Variants in PIK3R6 observed in about 807,000 individuals in gnomAD.
PIK3R6 encodes the protein phosphoinositide-3-kinase regulatory subunit 6, also known as phosphoinositide 3-kinase regulatory subunit 6.
PIK3R6 carries 91 observed loss-of-function variants against 84.9 expected under a neutral mutation model. The observed-to-expected ratio is 1.07, with a 90% CI of 0.90 to 1.28. The LOEUF (loss-of-function observed/expected upper bound fraction) is 1.28, where lower values mean the gene tolerates loss of function less well. Among genes scored for constraint, PIK3R6 ranks in the 50% most tolerant of loss-of-function variants. The pLI is 0.00. For synonymous variants in PIK3R6, 416 were observed against 411.4 expected (o/e 1.01, Z -0.13); for missense variants, 996 against 985.1 (o/e 1.01, Z -0.15).
rs946605639 is a variant in PIK3R6 at position 8,842,996 on chromosome 17, G to A, written c.14-3299C>T. Among the ~76,000 whole-genome samples, 1 of 152,104 alleles carries A rather than the reference G, an allele frequency of 6.6e-6. No homozygotes were observed. Among genetic ancestry groups the A allele is most frequent in the Non-Finnish European group, 1.5e-5 (1 of 68,018 alleles). On this transcript the variant is annotated intron_variant, in intron 2 of 19. Transcript: ENST00000619866. This position sits in a 1 kb window ranked among gnomAD's most constrained non-coding sequence, Gnocchi z 4.5. Reference sequence around the variant, plus strand: ...CTCCTCAGACCCATGCAAAGCCTACGGGGTCCACATCCCTGAAGCCCCCAC... The same window carrying A: ...CTCCTCAGACCCATGCAAAGCCTACAGGGTCCACATCCCTGAAGCCCCCAC...
intron 1 of PIK3R6, among the ~76,000 whole-genome samples, chr17:8,853,951 G>T (rs9900612): frequency 0.027 from 3,776 of 137,388 alleles, 213 homozygotes; most frequent in African/African-American, 0.099. Context: ...GACAGAGAGA[G>T]ACTCCGTCTG....
At chr17:8,806,047 T>C (rs903346181) in intron 18 of PIK3R6, among the ~76,000 whole-genome samples, 10 of 152,064 alleles carry the variant, frequency 6.6e-5, no homozygotes, top group Admixed American at 2.0e-4. Flanking sequence ...GGACAGCTAA[T>C]GGAATGATTG....
At chr17:8,838,762 A>G in intron 3 of PIK3R6, 107 bp from the exon 4 acceptor site, 1 of 1,100,324 alleles carries the variant, frequency 9.1e-7, no homozygotes, top group Non-Finnish European at 1.3e-6. Context: ...AGCTCTGACC[A>G]GCCACGGGTG....
intron 4 of PIK3R6, 66 bp from the exon 5 acceptor site, chr17:8,837,937 A>G: frequency 4.2e-6 from 6 of 1,441,004 alleles, no homozygotes; most frequent in South Asian, 2.3e-5. Context: ...AGCGGGAGGC[A>G]GTCTAGGCTG....
chr17:8,821,705 G>A lies in PIK3R6; in HGVS notation c.1879+141C>T, dbSNP rs1041511758. On this transcript the variant is annotated intron_variant, in intron 17 of 19. Coordinates refer to ENST00000619866, the MANE Select transcript of PIK3R6 (RefSeq NM_001010855.4). ...TGGGTGACCCGACAGCAAGCAACTTGAAGGCAGTCACCAAGTCCTGGTCCT... is the reference window on the plus strand; with the variant it reads ...TGGGTGACCCGACAGCAAGCAACTTAAAGGCAGTCACCAAGTCCTGGTCCT... The A allele has an allele frequency of 6.7e-6, 6 of 890,712 alleles. No homozygotes were observed. The African/African-American group carries it at 8.3e-5, about 12-fold the overall frequency. The allele number at this position is 890,712 out of a possible 1,614,324, so 55.2% of individuals were successfully genotyped here. A position where few individuals can be genotyped will look rare whatever the true frequency, so the allele number is the denominator to read the frequency against.
intron 10 of PIK3R6, among the ~76,000 whole-genome samples, 193 bp downstream of exon 10, chr17:8,829,485 CGCATACACACACACTGACACACACTCAT>C (rs1412505194): frequency 3.2e-5 from 4 of 124,344 alleles, no homozygotes; most frequent in Admixed American, 8.0e-5. Flanking sequence ...CACTCATGCA[CGCATACACACACACTGACACACACTCAT>C]GCATACACAC....
chr17:8,802,874 T>C lies in PIK3R6; in HGVS notation c.*399A>G. 5.4e-6 allele frequency: 1 copy of C among 186,708 alleles called. No homozygotes were observed. The highest frequency in any genetic ancestry group is 1.1e-5 in the Non-Finnish European group (1 of 88,910). 11.6% of individuals were successfully genotyped at this position (186,708 alleles called of 1,614,324 possible). On this transcript the variant is annotated 3_prime_UTR_variant, in exon 20 of 20. Transcript: ENST00000619866. Reference sequence around the variant, plus strand: ...GGGAGGGAGGTGGTGCTGTTGCTGTTCCTTGCTTCCAATTTTCCCCTAGGC... The same window carrying C: ...GGGAGGGAGGTGGTGCTGTTGCTGTCCCTTGCTTCCAATTTTCCCCTAGGC...
At chr17:8,843,392 T>C (rs147397993) in intron 2 of PIK3R6, among the ~76,000 whole-genome samples, 4 of 152,270 alleles carry the variant, frequency 2.6e-5, no homozygotes, top group African/African-American at 9.6e-5. Context: ...GTGACAAATG[T>C]GATTTCCTCT....
At chr17:8,811,508 A>G (rs1196461076) in intron 18 of PIK3R6, among the ~76,000 whole-genome samples, 1 of 148,384 alleles carries the variant, frequency 6.7e-6, no homozygotes, top group African/African-American at 2.5e-5. Context: ...CAAATTTTCC[A>G]AACTCTTATG....
intron 13 of PIK3R6, among the ~76,000 whole-genome samples, chr17:8,825,994 C>T (rs1311871245): frequency 1.3e-5 from 2 of 152,232 alleles, no homozygotes; most frequent in African/African-American, 2.4e-5. Context: ...CTGCCAGCCA[C>T]GGTTGGGGTA....
At chr17:8,849,154 A>C (rs932841685) in intron 2 of PIK3R6, among the ~76,000 whole-genome samples, 10 of 152,248 alleles carry the variant, frequency 6.6e-5, no homozygotes, top group Admixed American at 1.3e-4. Flanking sequence ...GGCTTTGAGC[A>C]AATTATATAA....
At chr17:8,838,096 C>G (rs2088545974) in intron 4 of PIK3R6, among the ~76,000 whole-genome samples, 1 of 152,124 alleles carries the variant, frequency 6.6e-6, no homozygotes. Flanking sequence ...TCAGAGAACT[C>G]TGCAGGTGAG....
intron 17 of PIK3R6, among the ~76,000 whole-genome samples, chr17:8,819,934 TA>T (rs1261654142): frequency 5.1e-5 from 6 of 116,530 alleles, no homozygotes; most frequent in African/African-American, 2.6e-4. Context: ...TATATATATA[TA>T]TATTTTTATA....
chr17:8,825,561 GTATT>G (rs2087889670), intron 13 of PIK3R6, among the ~76,000 whole-genome samples: 1 of 152,198 alleles, frequency 6.6e-6, no homozygotes, highest in African/African-American at 2.4e-5. Context: ...GTACACGTAA[GTATT>G]TAGCAAATGA....
chr17:8,835,939 G>A (rs1433532718), intron 7 of PIK3R6, among the ~76,000 whole-genome samples: 1 of 152,052 alleles, frequency 6.6e-6, no homozygotes, highest in African/African-American at 2.4e-5. Context: ...TGGGTGCCCT[G>A]GGCCTCCTTG....
intron 2 of PIK3R6, among the ~76,000 whole-genome samples, chr17:8,847,464 G>A (rs892948698): frequency 6.6e-6 from 1 of 152,158 alleles, no homozygotes; most frequent in Non-Finnish European, 1.5e-5. Flanking sequence ...CTTAACTGTA[G>A]GATGGGAGGA....
rs1039496934 is a variant in PIK3R6 at position 8,819,173 on chromosome 17, C to T, written c.1905G>A (p.Leu635=). The part of the protein sequence containing the change: ...TEVSGSSHCP[L]PAAPVTDHTC... ...TGTGGTCTGTGACAGGAGCAGCAGG[C>T]AGGGGGCAATGGCTAGACCCTGAAA... The change falls in exon 18 of 20, where the codon CTG becomes CTA. Residue 635 remains leucine (L), a synonymous_variant. Transcript: ENST00000619866. 2 of 1,609,432 alleles carry T rather than the reference C, an allele frequency of 1.2e-6. No homozygotes were observed. The highest frequency in any genetic ancestry group is 1.7e-6 in the Non-Finnish European group (2 of 1,177,690).
chr17:8,818,367 G>T (rs1014613403), intron 18 of PIK3R6, among the ~76,000 whole-genome samples: 2 of 152,186 alleles, frequency 1.3e-5, no homozygotes, highest in African/African-American at 4.8e-5. Context: ...AGTAAGTACT[G>T]GCCAGGCGTG....
intron 2 of PIK3R6, among the ~76,000 whole-genome samples, chr17:8,843,286 T>G (rs2088734025): frequency 6.6e-6 from 1 of 152,130 alleles, no homozygotes; most frequent in Non-Finnish European, 1.5e-5. Context: ...TCCCTCCTTC[T>G]CTCTCTCCCT....
Sources: gnomAD v4.1 joint callset for allele counts (sites outside exome capture counted in the v4.1 genomes callset) on GRCh38, gnomAD v4.1.1 for gene constraint, Gnocchi (gnomAD v3.1) non-coding constraint, MANE v1.5 for transcripts, NCBI Gene and HGNC (gene_info 2026-07-23, HGNC 2026-07-21) for gene names.